MUC3A: variants seen among roughly 807,000 people sequenced by gnomAD.
The protein encoded by MUC3A is mucin 3A, cell surface associated.
MUC3A carries 109 observed loss-of-function variants against 109.0 expected under a neutral mutation model. That is an observed-to-expected ratio of 1.00 (90% CI 0.86 to 1.17). The LOEUF (loss-of-function observed/expected upper bound fraction) is 1.17. Ranked by LOEUF, MUC3A falls within the 50% of genes most tolerant of loss-of-function variation. MUC3A has a pLI of 0.00. For synonymous variants in MUC3A, 1,398 were observed against 981.4 expected (o/e 1.42, Z -7.93); for missense variants, 3,537 against 2,469.4 (o/e 1.43, Z -9.16).
rs74773493 is a variant in MUC3A at position 100,965,936 on chromosome 7, T to A, written c.9611+70T>A. ...CATTCTAGGATGAAGCCCTGCCCCA[T>A]GCTCCGCCCCGGCTCCGCGCCCTGG... On this transcript the variant is annotated intron_variant, in intron 8 of 11. Transcript: ENST00000379458. 4.6e-6 allele frequency: 7 copies of A among 1,508,880 alleles called. No individual in the cohort carries two copies. In the South Asian group the frequency reaches 5.2e-5, roughly 11 times the overall value. The allele number at this position is 1,508,880 out of a possible 1,614,324, so 93.5% of individuals were successfully genotyped here. A position where few individuals can be genotyped will look rare whatever the true frequency, so the allele number is the denominator to read the frequency against.
At chr7:100,964,949 T>C in intron 6 of MUC3A, 106 bp downstream of exon 6, 1 of 1,463,270 alleles carries the variant, frequency 6.8e-7, no homozygotes, top group South Asian at 1.4e-5. Flanking sequence ...GTGGTACCTC[T>C]GGCAGGTTGG....
At position 100,960,750 on chromosome 7, in the gene MUC3A, A is replaced by AGGCACCTGTGACAATGGT; in HGVS notation, c.8874_8891dup. On this transcript the variant is annotated splice_acceptor_variant, in intron 2 of 11. Transcript: ENST00000379458. LOFTEE classifies it high-confidence loss of function. The stretch of plus-strand genomic sequence containing the variant: ...GCTTCCCTTTCTTTCTGTGTTTTCC[A>AGGCACCTGTGACAATGGT]GGCACCTGTGACAATGGTGGCACCT... The AGGCACCTGTGACAATGGT allele has an allele frequency of 6.3e-7, 1 of 1,596,190 alleles. No homozygotes were observed. Among genetic ancestry groups the AGGCACCTGTGACAATGGT allele is most frequent in the Middle Eastern group, 1.7e-4 (1 of 6,038 alleles).
At chr7:100,963,122 G>A in intron 3 of MUC3A, 29 bp from the exon 4 acceptor site, 1 of 1,593,436 alleles carries the variant, frequency 6.3e-7, no homozygotes, top group Non-Finnish European at 8.5e-7. Context: ...AGACAGAGAA[G>A]TGACTGGGGA....
chr7:100,959,038 C>G lies in MUC3A; in HGVS notation c.7259C>G (p.Ser2420Ter). The G allele has an allele frequency of 6.3e-7, 1 of 1,590,392 alleles. No homozygotes were observed. Among genetic ancestry groups the G allele is most frequent in the East Asian group, 2.3e-5 (1 of 44,392 alleles). ...TSSITTTETTSHSTPGFTSSI... is the reference protein window; with the variant it reads ...TSSITTTETT ...TCAATCACCACCACTGAGACTACCT[C>G]ACACAGTACTCCTGGCTTCACTTCT... Residue 2420 changes from serine (S) to a stop codon, truncating the protein, a stop_gained, in exon 2 of 12, where the codon TCA becomes TGA. Transcript: ENST00000379458. LOFTEE classifies it high-confidence loss of function.
Position 100,955,117 on chromosome 7 carries a change from C to T in MUC3A, c.3338C>T (p.Ser1113Phe). The stretch of plus-strand genomic sequence containing the variant: ...TCCACAAGTATAACAGGTACATTGT[C>T]CACTGCCACTACTCTCCCACCCACC... Reference protein sequence around the residue: ...TYSTSITGTLSTATTLPPTSS... With the variant: ...TYSTSITGTLFTATTLPPTSS... The change falls in exon 2 of 12, where the codon TCC (serine) becomes TTC (phenylalanine). Residue 1113 changes from serine to phenylalanine, a missense_variant. Ser to Phe is a radical substitution (Grantham distance 155). Transcript: ENST00000379458. The T allele has an allele frequency of 1.6e-6, 1 of 624,340 alleles. No individual in the cohort carries two copies. The highest frequency in any genetic ancestry group is 2.9e-6 in the Non-Finnish European group (1 of 349,200). The allele number at this position is 624,340 out of a possible 1,614,324, so 38.7% of individuals were successfully genotyped here. A position where few individuals can be genotyped will look rare whatever the true frequency, so the allele number is the denominator to read the frequency against.
chr7:100,966,619 G>A, intron 9 of MUC3A, 33 bp from the exon 10 acceptor site: 1 of 1,598,402 alleles, frequency 6.3e-7, no homozygotes, highest in Non-Finnish European at 8.5e-7. Context: ...CAGGCGGGCC[G>A]GCTCTGTCTG....
At position 100,959,311 on chromosome 7, in the gene MUC3A, C is replaced by T. The variant is rs541628829; in HGVS notation, c.7532C>T (p.Ser2511Phe). 1 of 1,573,112 alleles carries T rather than the reference C, an allele frequency of 6.4e-7. No homozygotes were observed. The highest frequency in any genetic ancestry group is 1.3e-5 in the African/African-American group (1 of 74,698). ...TSLTTTTDFP[S>F]IPTDISTLPT... ...TTGACTACAACCACAGACTTTCCCT[C>T]TATACCCACTGATATCAGTACCTTA... The change falls in exon 2 of 12, where the codon TCT (serine) becomes TTT (phenylalanine). Residue 2511 changes from serine to phenylalanine, a missense_variant. Coordinates refer to ENST00000379458, the MANE Select transcript of MUC3A (RefSeq NM_005960.2).
Position 100,957,796 on chromosome 7 carries a change from C to T in MUC3A, c.6017C>T (p.Thr2006Ile). Residue 2006 changes from threonine to isoleucine, a missense_variant, in exon 2 of 12, where the codon ACT becomes ATT. Physicochemically the swap from Thr to Ile is moderately conservative, Grantham distance 89. Coordinates refer to ENST00000379458, the MANE Select transcript of MUC3A (RefSeq NM_005960.2). ...ACAACCACCACCACCTCACACAGTA[C>T]TCCCAGCTTCACTTCTTCCATCACC... The part of the protein sequence containing the change: ...ITTTTTTSHS[T>I]PSFTSSITTT... The T allele has an allele frequency of 9.8e-7, 1 of 1,023,352 alleles. No individual in the cohort carries two copies. The highest frequency in any genetic ancestry group is 1.5e-6 in the Non-Finnish European group (1 of 668,232). 63.4% of individuals were successfully genotyped at this position (1,023,352 alleles called of 1,614,324 possible).
In MUC3A at chr7:100,953,722, C is replaced by A; in HGVS notation, c.1943C>A (p.Thr648Lys). 1 of 460,412 alleles carries A rather than the reference C, an allele frequency of 2.2e-6. No homozygotes were observed. Among genetic ancestry groups the A allele is most frequent in the Non-Finnish European group, 3.8e-6 (1 of 260,668 alleles). 28.5% of individuals were successfully genotyped at this position (460,412 alleles called of 1,614,324 possible). Reference sequence around the variant, plus strand: ...TCCACAAATACAGTGACTTCTATGACAACTACGACCTCTCCTCCCACAACC... The same window carrying A: ...TCCACAAATACAGTGACTTCTATGAAAACTACGACCTCTCCTCCCACAACC... ...VTSTNTVTSM[T>K]TTTSPPTTTN... The change falls in exon 2 of 12, where the codon ACA becomes AAA. Residue 648 changes from threonine (T) to lysine (K), a missense_variant. Coordinates refer to ENST00000379458, the MANE Select transcript of MUC3A (RefSeq NM_005960.2).
At position 100,955,185 on chromosome 7, in the gene MUC3A, A is replaced by G. The variant is rs1792067991; in HGVS notation, c.3406A>G (p.Thr1136Ala). 4.5e-6 allele frequency: 3 copies of G among 668,860 alleles called. 1 individual carries two copies. In the South Asian group the frequency reaches 4.8e-5, roughly 11 times the overall value. 41.4% of individuals were successfully genotyped at this position (668,860 alleles called of 1,614,324 possible). The part of the protein sequence containing the change: ...PTTETATMTP[T>A]TTLITTTPNT... ...CACAGAAACAGCCACGATGACTCCTACCACAACCTTGATAACCACCACCCC... is the reference window on the plus strand; with the variant it reads ...CACAGAAACAGCCACGATGACTCCTGCCACAACCTTGATAACCACCACCCC... Residue 1136 changes from threonine to alanine, a missense_variant, in exon 2 of 12, where the codon ACC becomes GCC. Physicochemically the swap from Thr to Ala is moderately conservative, Grantham distance 58. Transcript: ENST00000379458.
chr7:100,952,876 C>A lies in MUC3A; in HGVS notation c.1097C>A (p.Ser366Tyr). 1 of 1,553,120 alleles carries A rather than the reference C, an allele frequency of 6.4e-7. No individual in the cohort carries two copies. Among genetic ancestry groups the A allele is most frequent in the South Asian group, 1.2e-5 (1 of 84,340 alleles). ...SMTGTLSTETSLPPTSSSLPT... is the reference protein window; with the variant it reads ...SMTGTLSTETYLPPTSSSLPT... ...ACAGGTACATTGTCCACAGAGACTTCTCTCCCACCCACCTCTTCCTCTCTC... is the reference window on the plus strand; with the variant it reads ...ACAGGTACATTGTCCACAGAGACTTATCTCCCACCCACCTCTTCCTCTCTC... The change falls in exon 2 of 12, where the codon TCT becomes TAT. Residue 366 changes from serine to tyrosine, a missense_variant. Ser to Tyr is a moderately radical substitution (Grantham distance 144). Transcript: ENST00000379458.
At chr7:100,960,967 T>C in intron 3 of MUC3A, 30 bp downstream of exon 3, 1 of 1,598,460 alleles carries the variant, frequency 6.3e-7, no homozygotes, top group African/African-American at 1.3e-5. Context: ...CCTTCTGCAC[T>C]TCCTCCCACA....
rs1406174507 is a variant in MUC3A at position 100,953,226 on chromosome 7, A to T, written c.1447A>T (p.Ser483Cys). The change falls in exon 2 of 12, where the codon AGT (serine) becomes TGT (cysteine). Residue 483 changes from serine (S) to cysteine (C), a missense_variant. Ser to Cys is a moderately radical substitution (Grantham distance 112). Transcript: ENST00000379458. ...TVSSSSAMSTSVIPSSPSIQN... is the reference protein window; with the variant it reads ...TVSSSSAMSTCVIPSSPSIQN... ...TTCCAGTTCCTCAGCAATGTCCACG[A>T]GTGTCATTCCATCTTCCCCCAGCAT... 3 of 570,652 alleles carry T rather than the reference A, an allele frequency of 5.3e-6. No individual in the cohort carries two copies. Among genetic ancestry groups the T allele is most frequent in the Non-Finnish European group, 9.3e-6 (3 of 324,070 alleles). The allele number at this position is 570,652 out of a possible 1,614,324, so 35.3% of individuals were successfully genotyped here. A position where few individuals can be genotyped will look rare whatever the true frequency, so the allele number is the denominator to read the frequency against.
chr7:100,957,221 A>C lies in MUC3A; in HGVS notation c.5442A>C (p.Thr1814=), dbSNP rs1792121201. The part of the protein sequence containing the change: ...PSTEAITSGT[T]NTTPLSTLVT... ...CAGAAGCGATCACCAGTGGTACCAC[A>C]AACACCACCCCTCTATCTACATTGG... The change falls in exon 2 of 12, where the codon ACA becomes ACC. Residue 1814 remains threonine, a synonymous_variant. Transcript: ENST00000379458. The C allele has an allele frequency of 2.1e-6, 1 of 475,958 alleles. No homozygotes were observed. Among genetic ancestry groups the C allele is most frequent in the South Asian group, 4.9e-5 (1 of 20,468 alleles). 29.5% of individuals were successfully genotyped at this position (475,958 alleles called of 1,614,324 possible). A position where few individuals can be genotyped will look rare whatever the true frequency, so the allele number is the denominator to read the frequency against.
At chr7:100,966,120 GCC>G in intron 8 of MUC3A, 1 of 555,328 alleles carries the variant, frequency 1.8e-6, no homozygotes, top group South Asian at 4.2e-5. Context: ...GTGGGGCCCC[GCC>G]TCCTCGTTCT....
chr7:100,966,278 T>A lies in MUC3A; in HGVS notation c.9612-108T>A, dbSNP rs1053812596. 4 of 855,698 alleles carry A rather than the reference T, an allele frequency of 4.7e-6. No homozygotes were observed. The South Asian group carries it at 1.8e-4, about 38-fold the overall frequency. The allele number at this position is 855,698 out of a possible 1,614,324, so 53.0% of individuals were successfully genotyped here. A position where few individuals can be genotyped will look rare whatever the true frequency, so the allele number is the denominator to read the frequency against. ...CCTTGTCTAGGGTGGAACCCCCCGCTGCCCTAGGCTGGAGCCCCGCCCCCT... is the reference window on the plus strand; with the variant it reads ...CCTTGTCTAGGGTGGAACCCCCCGCAGCCCTAGGCTGGAGCCCCGCCCCCT... On this transcript the variant is annotated intron_variant, in intron 8 of 11. Coordinates refer to ENST00000379458, the MANE Select transcript of MUC3A (RefSeq NM_005960.2).
rs1451749404 is a variant in MUC3A at position 100,953,885 on chromosome 7, A to T, written c.2106A>T (p.Ser702=). 7 of 436,852 alleles carry T rather than the reference A, an allele frequency of 1.6e-5. No homozygotes were observed. The highest frequency in any genetic ancestry group is 8.0e-6 in the Non-Finnish European group (2 of 250,184). 27.1% of individuals were successfully genotyped at this position (436,852 alleles called of 1,614,324 possible). A position where few individuals can be genotyped will look rare whatever the true frequency, so the allele number is the denominator to read the frequency against. Residue 702 remains serine, a synonymous_variant, in exon 2 of 12, where the codon TCA becomes TCT. Coordinates refer to ENST00000379458, the MANE Select transcript of MUC3A (RefSeq NM_005960.2). ...LVTTLPTPNA[S]SMTTSETTYP... is the part of the protein sequence containing the mutation. ...CCACACTCCCCACTCCAAATGCTTC[A>T]TCTATGACTACATCTGAGACCACCT...
rs780448330 is a variant in MUC3A, at chr7:100,960,775, T to C, written c.8890T>C (p.Trp2964Arg). 9 of 1,598,144 alleles carry C rather than the reference T, an allele frequency of 5.6e-6. No homozygotes were observed. Among genetic ancestry groups the C allele is most frequent in the Non-Finnish European group, 7.6e-6 (9 of 1,179,594 alleles). The change falls in exon 3 of 12, where the codon TGG becomes CGG. Residue 2964 changes from tryptophan (W) to arginine (R), a missense_variant. Physicochemically the swap from Trp to Arg is moderately radical, Grantham distance 101. Coordinates refer to ENST00000379458, the MANE Select transcript of MUC3A (RefSeq NM_005960.2). Reference protein sequence around the residue: ...TAGTCDNGGTWEQGQCACLPG... With the variant: ...TAGTCDNGGTREQGQCACLPG... ...AGGCACCTGTGACAATGGTGGCACC[T>C]GGGAACAGGGCCAGTGTGCTTGCCT...
In MUC3A at chr7:100,959,770, C is replaced by A; in HGVS notation, c.7991C>A (p.Thr2664Asn). 1.3e-6 allele frequency: 2 copies of A among 1,597,828 alleles called. No homozygotes were observed. The highest frequency in any genetic ancestry group is 1.7e-6 in the Non-Finnish European group (2 of 1,179,494). The change falls in exon 2 of 12, where the codon ACT (threonine) becomes AAT (asparagine). Residue 2664 changes from threonine to asparagine, a missense_variant. By Grantham distance (65) the Thr-to-Asn change is moderately conservative. Transcript: ENST00000379458. ...AGTGAGTTCACTACAGAATCTTTCA[C>A]TAGGGGAAGTACGTCTACAAATGCA... ...STSEFTTESF[T>N]RGSTSTNAIL...
Sources: allele counts gnomAD v4.1 joint callset, GRCh38; gene constraint gnomAD v4.1.1; transcripts MANE v1.5; gene names NCBI Gene and HGNC (gene_info 2026-07-23, HGNC 2026-07-21).